Variants in DAB1 observed in about 807,000 individuals in gnomAD.
DAB1 encodes the protein DAB adaptor protein 1, also known as disabled homolog 1.
DAB1 carries 15 observed loss-of-function variants against 64.6 expected under a neutral mutation model. That is an observed-to-expected ratio of 0.23 (90% CI 0.16 to 0.36). The LOEUF (loss-of-function observed/expected upper bound fraction) is 0.36. Among genes scored for constraint, DAB1 ranks in the 10% least tolerant of loss-of-function variants. DAB1 has a pLI of 1.00. For missense variants in DAB1, 596 were observed against 706.7 expected (o/e 0.84, Z 1.78); for synonymous variants, 235 against 251.9 (o/e 0.93, Z 0.64).
chr1:57,568,885 C>T (rs1450405216), intron 7 of DAB1, among the ~76,000 whole-genome samples: 2 of 152,138 alleles, frequency 1.3e-5, no homozygotes, highest in Non-Finnish European at 2.9e-5. Flanking sequence ...CCTCAGGGAT[C>T]TAGAACTAGA....
At chr1:57,492,262 G>T (rs1037898456) in intron 7 of DAB1, among the ~76,000 whole-genome samples, 2 of 152,214 alleles carry the variant, frequency 1.3e-5, no homozygotes, top group Admixed American at 1.3e-4. Flanking sequence ...GGATTCAGAG[G>T]GCTTTGGAAT....
intron 2 of DAB1, among the ~76,000 whole-genome samples, chr1:58,515,933 G>C (rs1646151487): frequency 6.6e-6 from 1 of 152,144 alleles, no homozygotes. Context: ...TTTAGAATTT[G>C]AAATTTTCTC....
chr1:57,500,858 T>G (rs1489782978), intron 7 of DAB1, among the ~76,000 whole-genome samples: 1 of 152,196 alleles, frequency 6.6e-6, no homozygotes, highest in African/African-American at 2.4e-5. Context: ...GTCATGGAGG[T>G]GAATTCTGGA....
intron 1 of DAB1, among the ~76,000 whole-genome samples, chr1:57,841,797 G>T (rs1035726936): frequency 1.3e-5 from 2 of 152,192 alleles, no homozygotes; most frequent in Non-Finnish European, 2.9e-5. Flanking sequence ...ATGCTGTGAA[G>T]ATCTCTGAAA....
At chr1:58,073,776 C>T (rs1011717818) in intron 5 of DAB1, among the ~76,000 whole-genome samples, 31 of 152,262 alleles carry the variant, frequency 2.0e-4, no homozygotes, top group Non-Finnish European at 3.8e-4. Flanking sequence ...TCAGCACAAT[C>T]CTTTACACTA....
At chr1:57,878,232 G>T (rs1000125376) in intron 1 of DAB1, 1 of 152,120 alleles carries the variant, frequency 6.6e-6, no homozygotes. Flanking sequence ...TTTGCCTTTT[G>T]TCAACATTGC....
intron 9 of DAB1, among the ~76,000 whole-genome samples, chr1:57,061,568 C>T (rs1650400306): frequency 6.6e-6 from 1 of 152,352 alleles, no homozygotes. Flanking sequence ...GTCAGCCTCA[C>T]TTTGAGCTGG....
intron 7 of DAB1, among the ~76,000 whole-genome samples, chr1:57,628,421 G>A (rs1404265452): frequency 6.6e-6 from 1 of 152,096 alleles, no homozygotes; most frequent in Non-Finnish European, 1.5e-5. Context: ...ACCTTTTCCT[G>A]TCCAACTCAT....
chr1:57,926,275 AC>A (rs368545935), intron 5 of DAB1, among the ~76,000 whole-genome samples: 59,296 of 152,056 alleles, frequency 0.39, 12,594 homozygotes, highest in Admixed American at 0.49. Context: ...TCTGAGTTCC[AC>A]TGAGAAAGGC....
intron 2 of DAB1, among the ~76,000 whole-genome samples, chr1:57,254,769 T>C (rs1669630528): frequency 6.6e-6 from 1 of 151,420 alleles, no homozygotes. Flanking sequence ...ATGCTTAATA[T>C]AAAAAAAAGG....
chr1:57,441,286 C>G (rs1224906761), intron 7 of DAB1, among the ~76,000 whole-genome samples: 991 of 28,428 alleles, frequency 0.035, 10 homozygotes, highest in African/African-American at 0.076. Context: ...TTCTTTCTTT[C>G]TTTCTTTCTT....
intron 6 of DAB1, among the ~76,000 whole-genome samples, chr1:57,805,334 A>C (rs1026601129): frequency 6.6e-6 from 1 of 152,202 alleles, no homozygotes; most frequent in Admixed American, 6.5e-5. Flanking sequence ...AATTCATAGG[A>C]TATTCACCAA....
At chr1:57,357,514 T>C (rs1679202518) in intron 1 of DAB1, among the ~76,000 whole-genome samples, 1 of 132,974 alleles carries the variant, frequency 7.5e-6, no homozygotes, top group South Asian at 2.3e-4. Flanking sequence ...ATCTTCACCT[T>C]CTTCCTTTTT....
intron 4 of DAB1, among the ~76,000 whole-genome samples, chr1:58,312,242 A>G (rs1662446610): frequency 6.6e-6 from 1 of 152,200 alleles, no homozygotes; most frequent in Admixed American, 6.5e-5. Flanking sequence ...TCCCAAAGGG[A>G]TGGATTCTAA....
At chr1:57,719,948 T>C (rs923325304) in intron 6 of DAB1, among the ~76,000 whole-genome samples, 18 of 152,252 alleles carry the variant, frequency 1.2e-4, no homozygotes, top group Non-Finnish European at 2.9e-5. Flanking sequence ...CTTATCATTC[T>C]ATGTGACCCT....
intron 3 of DAB1, among the ~76,000 whole-genome samples, chr1:58,444,153 C>A (rs765945090): frequency 3.3e-5 from 5 of 152,158 alleles, no homozygotes; most frequent in African/African-American, 1.2e-4. Flanking sequence ...CTCTGGAATT[C>A]GGCTCTCCAC....
At chr1:57,300,231 T>A (rs1304412330) in intron 1 of DAB1, among the ~76,000 whole-genome samples, 1 of 152,138 alleles carries the variant, frequency 6.6e-6, no homozygotes, top group Non-Finnish European at 1.5e-5. Flanking sequence ...TTCTAGATGC[T>A]CAGAAAGAAA....
intron 5 of DAB1, among the ~76,000 whole-genome samples, chr1:58,146,616 C>T (rs1022792253): frequency 6.6e-6 from 1 of 152,076 alleles, no homozygotes; most frequent in Non-Finnish European, 1.5e-5. Flanking sequence ...TCTGTCTCTG[C>T]CTGGCTCTAT....
chr1:58,205,099 G>A (rs1009313764), intron 4 of DAB1, among the ~76,000 whole-genome samples: 1 of 152,128 alleles, frequency 6.6e-6, no homozygotes, highest in African/African-American at 2.4e-5. Context: ...CAGCAAGTAG[G>A]ATTACATAGG....
Sources: allele counts gnomAD v4.1 joint callset (sites outside exome capture counted in the v4.1 genomes callset), GRCh38; gene constraint gnomAD v4.1.1; transcripts MANE v1.5; gene names NCBI Gene and HGNC (gene_info 2026-07-23, HGNC 2026-07-21).